RERE: variants seen among roughly 807,000 people sequenced by gnomAD.
RERE encodes arginine-glutamic acid dipeptide repeats protein.
A neutral mutation model predicts 146.1 loss-of-function variants in RERE; 40 were observed. That is an observed-to-expected ratio of 0.27 (90% CI 0.21 to 0.36). The LOEUF is 0.36. RERE is among the 10% of genes least tolerant of loss of function. The pLI is 1.00. For missense variants in RERE, 1,933 were observed against 2,138.7 expected (o/e 0.90, Z 1.90); for synonymous variants, 1,003 against 866.0 (o/e 1.16, Z -2.78).
chr1:8,524,948 A>T (rs1048468805), intron 7 of RERE, among the ~76,000 whole-genome samples: 2 of 152,246 alleles, frequency 1.3e-5, no homozygotes, highest in African/African-American at 4.8e-5. Flanking sequence ...AAGTCACATG[A>T]CAACATACAC....
intron 4 of RERE, among the ~76,000 whole-genome samples, chr1:8,612,893 A>T (rs1646809383): frequency 6.6e-6 from 1 of 152,236 alleles, no homozygotes; most frequent in Non-Finnish European, 1.5e-5. Flanking sequence ...TATCTATACT[A>T]CACTGGGTTC....
chr1:8,366,112 T>C, intron 12 of RERE, 138 bp from the exon 13 acceptor site: 1 of 942,972 alleles, frequency 1.1e-6, no homozygotes, highest in Non-Finnish European at 1.6e-6. Context: ...CTCCTGGAGT[T>C]GGGAGAGGAA....
At chr1:8,407,191 G>A (rs1643469329) in intron 12 of RERE, among the ~76,000 whole-genome samples, 1 of 152,192 alleles carries the variant, frequency 6.6e-6, no homozygotes, top group South Asian at 2.1e-4. Context: ...TGATACAGCT[G>A]TGCTGGTCAT....
chr1:8,779,626 G>A (rs1641130151), intron 1 of RERE, among the ~76,000 whole-genome samples: 1 of 151,912 alleles, frequency 6.6e-6, no homozygotes, highest in Non-Finnish European at 1.5e-5. Flanking sequence ...TCACGCCACT[G>A]CACTCCAGTC....
At chr1:8,637,457 G>T (rs967979021) in intron 2 of RERE, among the ~76,000 whole-genome samples, 1 of 151,760 alleles carries the variant, frequency 6.6e-6, no homozygotes, top group African/African-American at 2.4e-5. Flanking sequence ...AAAAATATAG[G>T]GACTACCGAC....
chr1:8,421,185 A>G (rs146681093), intron 12 of RERE, among the ~76,000 whole-genome samples: 1 of 152,348 alleles, frequency 6.6e-6, no homozygotes, highest in African/African-American at 2.4e-5. Flanking sequence ...GAGCAGAGAC[A>G]GAGAACTTGA....
intron 11 of RERE, among the ~76,000 whole-genome samples, chr1:8,444,631 G>T (rs140004026): frequency 7.2e-5 from 11 of 152,306 alleles, no homozygotes; most frequent in Admixed American, 7.2e-4. Context: ...ATGGGGCCTG[G>T]TGGAAGGTTA....
chr1:8,578,490 C>G (rs1432153699), intron 4 of RERE, among the ~76,000 whole-genome samples: 1 of 152,100 alleles, frequency 6.6e-6, no homozygotes, highest in Non-Finnish European at 1.5e-5. Flanking sequence ...AACTTTAAAC[C>G]TAAAGGCAGG....
chr1:8,447,928 T>C lies in RERE; in HGVS notation c.1203+17997A>G, dbSNP rs118086051. The stretch of plus-strand genomic sequence containing the variant: ...CCGATATTGGGTGTGATGATCTGAC[T>C]TGGATTCCTGAGTACTCCACTCACC... On this transcript the variant is annotated intron_variant, in intron 11 of 22. Coordinates refer to ENST00000400908, the MANE Select transcript of RERE (RefSeq NM_001042681.2). Among the ~76,000 whole-genome samples the C allele has an allele frequency of 1.1e-3, 175 of 152,332 alleles. No individual in the cohort carries two copies. In the East Asian group the frequency reaches 0.03, roughly 26 times the overall value.
In RERE at chr1:8,361,034, G is replaced by A. The variant is rs985796534; in HGVS notation, c.2473C>T (p.Pro825Ser). ...HPPPHPSPHP[P>S]LQPLTGSAGQ... is the part of the protein sequence containing the mutation. ...GCCGACCCAGTCAGAGGCTGCAGCG[G>A]GGGATGTGGCGAGGGATGCGGCGGG... is the stretch of plus-strand genomic sequence containing the variant. Residue 825 changes from proline (P) to serine (S), a missense_variant, in exon 18 of 23, where the codon CCG becomes TCG. Coordinates refer to ENST00000400908, the MANE Select transcript of RERE (RefSeq NM_001042681.2). The A allele has an allele frequency of 5.6e-6, 8 of 1,438,458 alleles. No individual in the cohort carries two copies. The African/African-American group carries it at 7.2e-5, about 13-fold the overall frequency. The allele number at this position is 1,438,458 out of a possible 1,614,324, so 89.1% of individuals were successfully genotyped here.
chr1:8,794,187 G>A (rs1641421215), intron 1 of RERE, among the ~76,000 whole-genome samples: 1 of 150,840 alleles, frequency 6.6e-6, no homozygotes, highest in South Asian at 2.1e-4. Flanking sequence ...CATGAGGTCA[G>A]GAGATGGAGA....
At chr1:8,530,120 C>G (rs1210385611) in intron 7 of RERE, among the ~76,000 whole-genome samples, 2 of 152,278 alleles carry the variant, frequency 1.3e-5, no homozygotes, top group African/African-American at 4.8e-5. Context: ...CCATCTGTTG[C>G]CAACTGCCAA....
Position 8,356,041 on chromosome 1 carries a change from C to T in RERE, c.4486+59G>A. The T allele has an allele frequency of 6.9e-7, 1 of 1,447,150 alleles. No individual in the cohort carries two copies. Among genetic ancestry groups the T allele is most frequent in the Non-Finnish European group, 9.1e-7 (1 of 1,097,842 alleles). 89.6% of individuals were successfully genotyped at this position (1,447,150 alleles called of 1,614,324 possible). On this transcript the variant is annotated intron_variant, in intron 21 of 22. Transcript: ENST00000400908. This position sits in a 1 kb window ranked among gnomAD's most constrained non-coding sequence, Gnocchi z 5.2. ...ATGAGTAATGAATGAAGACAGCAGA[C>T]CAGACCCCAACCCAACCCTCACACG... is the stretch of plus-strand genomic sequence containing the variant.
At position 8,361,385 on chromosome 1, in the gene RERE, T is replaced by C. The variant is rs1641575192; in HGVS notation, c.2122A>G (p.Asn708Asp). The C allele has an allele frequency of 1.2e-6, 2 of 1,613,702 alleles. No homozygotes were observed. Among genetic ancestry groups the C allele is most frequent in the Non-Finnish European group, 1.7e-6 (2 of 1,179,858 alleles). Residue 708 changes from asparagine (N) to aspartate (D), a missense_variant, in exon 18 of 23, where the codon AAT (asparagine) becomes GAT (aspartate). Transcript: ENST00000400908. The part of the protein sequence containing the change: ...SSDPKDIDQD[N>D]RSTSPSIPSP... ...GGGATGCTCGGGGACGTGCTGCGAT[T>C]GTCCTGGTCGATGTCTTTGGGGTCA...
chr1:8,765,838 G>A (rs1285693969), intron 1 of RERE, among the ~76,000 whole-genome samples: 1 of 152,190 alleles, frequency 6.6e-6, no homozygotes, highest in Non-Finnish European at 1.5e-5. Context: ...TGCAATCCCG[G>A]CTACCCGGGA....
intron 10 of RERE, among the ~76,000 whole-genome samples, chr1:8,470,176 T>C (rs1644661607): frequency 6.6e-6 from 1 of 152,100 alleles, no homozygotes; most frequent in African/African-American, 2.4e-5. Flanking sequence ...TATCAGTAAG[T>C]ATTGAGAGTC....
At chr1:8,619,934 C>T (rs1646898338) in intron 3 of RERE, among the ~76,000 whole-genome samples, 1 of 152,152 alleles carries the variant, frequency 6.6e-6, no homozygotes, top group African/African-American at 2.4e-5. Context: ...AGGGAATGAA[C>T]AATATTTTAT....
At chr1:8,770,879 A>T (rs1278944987) in intron 1 of RERE, among the ~76,000 whole-genome samples, 2 of 152,220 alleles carry the variant, frequency 1.3e-5, no homozygotes, top group East Asian at 3.8e-4. Flanking sequence ...GAGGCAGTCT[A>T]AACATCTATC....
chr1:8,736,277 G>A (rs569997244), intron 1 of RERE, among the ~76,000 whole-genome samples: 3 of 152,244 alleles, frequency 2.0e-5, no homozygotes, highest in Admixed American at 1.3e-4. Context: ...CACAATCTTG[G>A]CTCACTGCAA....
Sources: gnomAD v4.1 joint callset for allele counts (sites outside exome capture counted in the v4.1 genomes callset) on GRCh38, gnomAD v4.1.1 for gene constraint, Gnocchi (gnomAD v3.1) non-coding constraint, MANE v1.5 for transcripts, NCBI Gene and HGNC (gene_info 2026-07-23, HGNC 2026-07-21) for gene names.